The following PELI2 variants were observed in gnomAD, a reference collection of about 807,000 sequenced individuals.
The protein encoded by PELI2 is E3 ubiquitin-protein ligase pellino homolog 2.
A neutral mutation model predicts 42.3 loss-of-function variants in PELI2; 23 were observed. The ratio of observed to expected loss-of-function variants is 0.54; its 90% CI spans 0.39 to 0.77. PELI2 has a LOEUF of 0.77. Ranked by LOEUF, PELI2 falls within the 30% of genes least tolerant of loss-of-function variation. PELI2 has a pLI of 0.00. For synonymous variants in PELI2, 245 were observed against 212.2 expected (o/e 1.15, Z -1.34); for missense variants, 463 against 553.2 (o/e 0.84, Z 1.64).
intron 3 of PELI2, 86 bp downstream of exon 3, chr14:56,279,863 G>T (rs1889418314): frequency 3.2e-6 from 2 of 627,560 alleles, no homozygotes; most frequent in Non-Finnish European, 5.6e-6. Flanking sequence ...TTCCAGCCCA[G>T]TATGTCCAGG....
chr14:56,118,850 G>A, intron 1 of PELI2, 113 bp downstream of exon 1: 1 of 619,644 alleles, frequency 1.6e-6, no homozygotes, highest in South Asian at 4.9e-5. Context: ...GGGGCGCTCG[G>A]GGCGGCAGGA....
intron 1 of PELI2, among the ~76,000 whole-genome samples, chr14:56,134,352 T>C (rs1185649690): frequency 1.3e-5 from 2 of 152,214 alleles, no homozygotes; most frequent in Admixed American, 1.3e-4. Context: ...GCTTTATTTT[T>C]ACTCAAAATT....
chr14:56,156,351 A>T (rs1003082987), intron 1 of PELI2, among the ~76,000 whole-genome samples: 1 of 152,196 alleles, frequency 6.6e-6, no homozygotes, highest in Non-Finnish European at 1.5e-5. Flanking sequence ...AGGCAGTAGG[A>T]CATTTTCTTA....
intron 1 of PELI2, among the ~76,000 whole-genome samples, chr14:56,161,281 CT>C (rs1415946635): frequency 1.3e-5 from 2 of 149,934 alleles, no homozygotes; most frequent in Non-Finnish European, 3.0e-5. Context: ...TGTCAGGGGT[CT>C]TTCATCTGTT....
chr14:56,228,647 T>C (rs2086325), intron 2 of PELI2, among the ~76,000 whole-genome samples: 60,917 of 152,114 alleles, frequency 0.4, 12,995 homozygotes, highest in South Asian at 0.53. Context: ...CCAAGATGGC[T>C]GAATAGGAAC....
intron 2 of PELI2, among the ~76,000 whole-genome samples, chr14:56,261,052 A>C (rs1412084081): frequency 1.3e-5 from 2 of 149,942 alleles, no homozygotes; most frequent in African/African-American, 2.5e-5. Context: ...TTTTTTTCTT[A>C]AATGTTCTGG....
At chr14:56,158,313 C>T (rs1884639743) in intron 1 of PELI2, among the ~76,000 whole-genome samples, 1 of 151,990 alleles carries the variant, frequency 6.6e-6, no homozygotes. Context: ...CAGGTGTGAG[C>T]TGCCGTGCCT....
chr14:56,234,668 T>A (rs980428600), intron 2 of PELI2, among the ~76,000 whole-genome samples: 2 of 152,146 alleles, frequency 1.3e-5, no homozygotes, highest in Non-Finnish European at 2.9e-5. Flanking sequence ...AGTTAATGGG[T>A]GCAGCACACC....
intron 2 of PELI2, among the ~76,000 whole-genome samples, chr14:56,202,156 A>T (rs1309692644): frequency 6.6e-6 from 1 of 152,082 alleles, no homozygotes; most frequent in Admixed American, 6.5e-5. Context: ...CATAGAAGGT[A>T]TTTGTTGTTG....
chr14:56,251,410 G>C (rs1888340030), intron 2 of PELI2, among the ~76,000 whole-genome samples: 2 of 152,182 alleles, frequency 1.3e-5, no homozygotes, highest in Non-Finnish European at 2.9e-5. Context: ...CAGGGTAGTT[G>C]CTGAGTCTTT....
intron 2 of PELI2, among the ~76,000 whole-genome samples, chr14:56,199,809 C>T (rs992217483): frequency 6.6e-6 from 1 of 152,200 alleles, no homozygotes. Flanking sequence ...CTTACCAGGG[C>T]CCAGGGATTT....
intron 2 of PELI2, among the ~76,000 whole-genome samples, chr14:56,184,118 C>T (rs567074691): frequency 1.1e-4 from 16 of 152,080 alleles, no homozygotes; most frequent in South Asian, 8.3e-4. Flanking sequence ...GGACCTTTAA[C>T]GGTCAGCCGA....
At chr14:56,236,212 T>G (rs1054628605) in intron 2 of PELI2, among the ~76,000 whole-genome samples, 1 of 152,188 alleles carries the variant, frequency 6.6e-6, no homozygotes, top group African/African-American at 2.4e-5. Flanking sequence ...ATACTTGGAG[T>G]TGATTTAAAG....
chr14:56,200,949 C>T (rs1886312443), intron 2 of PELI2, among the ~76,000 whole-genome samples: 1 of 152,074 alleles, frequency 6.6e-6, no homozygotes, highest in South Asian at 2.1e-4. Flanking sequence ...ATTTCATAGG[C>T]CTTCTTTTTA....
At chr14:56,173,125 C>T (rs1248959219) in intron 1 of PELI2, among the ~76,000 whole-genome samples, 1 of 152,192 alleles carries the variant, frequency 6.6e-6, no homozygotes, top group Admixed American at 6.5e-5. Context: ...CAGTTGCCTC[C>T]TCCATGCCTC....
At chr14:56,267,511 A>C (rs1594699404) in intron 2 of PELI2, among the ~76,000 whole-genome samples, 1 of 152,174 alleles carries the variant, frequency 6.6e-6, no homozygotes, top group African/African-American at 2.4e-5. Flanking sequence ...CCAAGGAAAG[A>C]CATTCATTAT....
intron 1 of PELI2, among the ~76,000 whole-genome samples, chr14:56,159,186 A>G (rs150785180): frequency 7.0e-4 from 107 of 152,356 alleles, no homozygotes; most frequent in African/African-American, 2.3e-3. Context: ...TCAGTGACTT[A>G]AAACAATTGT....
At chr14:56,137,585 G>A (rs1410871312) in intron 1 of PELI2, among the ~76,000 whole-genome samples, 1 of 152,128 alleles carries the variant, frequency 6.6e-6, no homozygotes, top group Non-Finnish European at 1.5e-5. Flanking sequence ...GTAGAAAAGT[G>A]CGTCGTTTCC....
rs1201665021 is a variant in PELI2 at position 56,180,008 on chromosome 14, T to G, written c.207+1544T>G. Reference sequence around the variant, plus strand: ...CAACTGTTGAGAGAAAAGTATCTCTTCTTTAATCTTTAGCCACTGCCATCT... The same window carrying G: ...CAACTGTTGAGAGAAAAGTATCTCTGCTTTAATCTTTAGCCACTGCCATCT... On this transcript the variant is annotated intron_variant, in intron 2 of 5. Transcript: ENST00000267460. This position sits in a 1 kb window ranked among gnomAD's most constrained non-coding sequence, Gnocchi z 4.4. 1.3e-5 allele frequency among the ~76,000 whole-genome samples: 2 copies of G among 152,218 alleles called. No individual in the cohort carries two copies. Among genetic ancestry groups the G allele is most frequent in the Non-Finnish European group, 2.9e-5 (2 of 68,030 alleles).
Sources: gnomAD v4.1 joint callset for allele counts (sites outside exome capture counted in the v4.1 genomes callset) on GRCh38, gnomAD v4.1.1 for gene constraint, Gnocchi (gnomAD v3.1) non-coding constraint, MANE v1.5 for transcripts, NCBI Gene and HGNC (gene_info 2026-07-23, HGNC 2026-07-21) for gene names.